The following CMC1 variants were observed in gnomAD, a reference collection of about 807,000 sequenced individuals.
The protein encoded by CMC1 is C-X9-C motif containing 1.
CMC1 carries 14 observed loss-of-function variants against 14.1 expected under a neutral mutation model. That is an observed-to-expected ratio of 0.99 (90% confidence interval 0.66 to 1.55). The LOEUF (loss-of-function observed/expected upper bound fraction) is 1.55. CMC1 is among the 40% of genes most tolerant of loss of function. The probability of loss-of-function intolerance (pLI) is 0.00; values close to 1 mark genes in which losing one functional copy is unlikely to be tolerated. For synonymous variants in CMC1, 50 were observed against 38.4 expected (o/e 1.30, Z -1.12); for missense variants, 127 against 123.8 (o/e 1.03, Z -0.12).
chr3:28,250,724 G>C (rs1699088635), intron 1 of CMC1, among the ~76,000 whole-genome samples: 1 of 152,208 alleles, frequency 6.6e-6, no homozygotes, highest in African/African-American at 2.4e-5. Flanking sequence ...CCAGTAGATA[G>C]TTGAAAATGT....
At chr3:28,309,738 G>T (rs530174920) in intron 2 of CMC1, among the ~76,000 whole-genome samples, 2 of 151,588 alleles carry the variant, frequency 1.3e-5, no homozygotes, top group South Asian at 4.2e-4. Flanking sequence ...GATTTCGATA[G>T]CCCTTAGAAC....
intron 3 of CMC1, chr3:28,316,732 T>G (rs527737169): frequency 5.6e-6 from 1 of 179,962 alleles, no homozygotes; most frequent in South Asian, 2.0e-4. Flanking sequence ...CAGACTGATT[T>G]TTGTTTATTC....
chr3:28,257,542 C>T (rs1559403513), intron 1 of CMC1, among the ~76,000 whole-genome samples: 1 of 152,076 alleles, frequency 6.6e-6, no homozygotes, highest in East Asian at 1.9e-4. Flanking sequence ...GTTTTTGAGA[C>T]TGAGTCTCAC....
chr3:28,268,348 C>T (rs934907706), intron 2 of CMC1, among the ~76,000 whole-genome samples: 1 of 152,186 alleles, frequency 6.6e-6, no homozygotes, highest in African/African-American at 2.4e-5. Context: ...GAGTCTTCTC[C>T]TGGTAGAGTC....
intron 2 of CMC1, among the ~76,000 whole-genome samples, chr3:28,278,311 C>G (rs1174133304): frequency 6.6e-6 from 1 of 152,098 alleles, no homozygotes; most frequent in Non-Finnish European, 1.5e-5. Flanking sequence ...GGTAGATGGA[C>G]TCAGAGTTTA....
chr3:28,279,749 G>GA (rs1407102957), intron 2 of CMC1, among the ~76,000 whole-genome samples: 3 of 150,532 alleles, frequency 2.0e-5, no homozygotes, highest in African/African-American at 7.3e-5. Context: ...ACAGAGAGGG[G>GA]AAAAAAAAAG....
At chr3:28,275,641 G>A (rs979888464) in intron 2 of CMC1, among the ~76,000 whole-genome samples, 1 of 152,104 alleles carries the variant, frequency 6.6e-6, no homozygotes, top group Non-Finnish European at 1.5e-5. Context: ...CTGCCCCTTG[G>A]TGCAGGGCAT....
chr3:28,242,158 ATTTG>A (rs1231536531), intron 1 of CMC1, among the ~76,000 whole-genome samples: 1 of 152,088 alleles, frequency 6.6e-6, no homozygotes, highest in African/African-American at 2.4e-5. Context: ...AAATTTGTAT[ATTTG>A]TTCTGGCGCA....
rs969532781 is a variant in CMC1, at chr3:28,323,377, T to G, written c.*3748T>G. 1.2e-4 allele frequency: 18 copies of G among 148,266 alleles called. No homozygotes were observed. The highest frequency in any genetic ancestry group is 2.3e-4 in the Non-Finnish European group (15 of 66,188). 9.2% of individuals were successfully genotyped at this position (148,266 alleles called of 1,614,324 possible). On this transcript the variant is annotated 3_prime_UTR_variant, in exon 4 of 4. Transcript: ENST00000466830. ...TCATTTTTTTTTTTTTTTTTCCCAA[T>G]TAGGACTTAAGGAATGTGCTGGGAC...
In CMC1 at chr3:28,241,771, T is replaced by A; in HGVS notation, c.-23T>A. On this transcript the variant is annotated 5_prime_UTR_variant, in exon 1 of 4. Coordinates refer to ENST00000466830, the MANE Select transcript of CMC1 (RefSeq NM_182523.2). ...GCGTGCCCCGGAGCCGCCAAGCGGC[T>A]ACGTTCTTCTCGGCCCGCCGAGATG... The A allele has an allele frequency of 8.1e-7, 1 of 1,241,656 alleles. No homozygotes were observed. Among genetic ancestry groups the A allele is most frequent in the South Asian group, 4.1e-5 (1 of 24,378 alleles). 76.9% of individuals were successfully genotyped at this position (1,241,656 alleles called of 1,614,324 possible).
rs199951188 is a variant in CMC1, at chr3:28,324,472, A to G, written c.*4843A>G. The G allele has an allele frequency of 2.4e-5, 35 of 1,439,768 alleles. No homozygotes were observed. Among genetic ancestry groups the G allele is most frequent in the East Asian group, 9.3e-5 (4 of 43,082 alleles). The allele number at this position is 1,439,768 out of a possible 1,614,324, so 89.2% of individuals were successfully genotyped here. On this transcript the variant is annotated 3_prime_UTR_variant, in exon 4 of 4. Coordinates refer to ENST00000466830, the MANE Select transcript of CMC1 (RefSeq NM_182523.2). ...GGCACAGGCTAAAAAGAAAACACAG[A>G]CTAAATGTCAGTTTTCATTACATTT...
intron 2 of CMC1, among the ~76,000 whole-genome samples, chr3:28,285,330 A>G (rs1360858582): frequency 6.7e-6 from 1 of 150,306 alleles, no homozygotes; most frequent in Non-Finnish European, 1.5e-5. Context: ...GGATGGAATT[A>G]TAATTTTGTT....
chr3:28,306,444 G>A (rs945863179), intron 2 of CMC1, among the ~76,000 whole-genome samples: 2 of 151,968 alleles, frequency 1.3e-5, no homozygotes, highest in Non-Finnish European at 2.9e-5. Flanking sequence ...TGTGGCTATT[G>A]TAAATGGGAT....
At chr3:28,256,867 C>G (rs1046932828) in intron 1 of CMC1, among the ~76,000 whole-genome samples, 2 of 152,124 alleles carry the variant, frequency 1.3e-5, no homozygotes, top group African/African-American at 4.8e-5. Flanking sequence ...TGATTGTCTA[C>G]ATAGAAATTG....
intron 2 of CMC1, among the ~76,000 whole-genome samples, chr3:28,288,862 G>T (rs1701330653): frequency 1.3e-5 from 2 of 151,524 alleles, no homozygotes; most frequent in South Asian, 4.1e-4. Flanking sequence ...AATTATGATT[G>T]TAAGAATATT....
rs1210681846 is a variant in CMC1, at chr3:28,322,045, T to G, written c.*2416T>G. The G allele has an allele frequency of 6.6e-6, 1 of 151,300 alleles. No individual in the cohort carries two copies. The highest frequency in any genetic ancestry group is 1.5e-5 in the Non-Finnish European group (1 of 67,464). The allele number at this position is 151,300 out of a possible 1,614,324, so 9.4% of individuals were successfully genotyped here. ...AGATGGGCCACTGTTTTTTGGTTGT[T>G]TGAATTTTACCTAGAACAGAGATAT... On this transcript the variant is annotated 3_prime_UTR_variant, in exon 4 of 4. Transcript: ENST00000466830.
chr3:28,250,683 G>A (rs1439887814), intron 1 of CMC1, among the ~76,000 whole-genome samples: 1 of 152,150 alleles, frequency 6.6e-6, no homozygotes, highest in East Asian at 1.9e-4. Flanking sequence ...ATTTAAGTTG[G>A]AATTGAGCTG....
At chr3:28,286,078 T>C (rs923184113) in intron 2 of CMC1, among the ~76,000 whole-genome samples, 1 of 152,212 alleles carries the variant, frequency 6.6e-6, no homozygotes, top group African/African-American at 2.4e-5. Flanking sequence ...TTTTCTTTTA[T>C]GCTACCTTTT....
chr3:28,313,188 T>G (rs1702726113), intron 2 of CMC1, among the ~76,000 whole-genome samples: 2 of 152,124 alleles, frequency 1.3e-5, no homozygotes, highest in African/African-American at 2.4e-5. Context: ...GTATATGATA[T>G]TACGTGGTTT....
Sources: allele counts gnomAD v4.1 joint callset (sites outside exome capture counted in the v4.1 genomes callset), GRCh38; gene constraint gnomAD v4.1.1; transcripts MANE v1.5; gene names NCBI Gene and HGNC (gene_info 2026-07-23, HGNC 2026-07-21).